PDSS2: variants seen among roughly 807,000 people sequenced by gnomAD.
PDSS2 encodes the protein all trans-polyprenyl-diphosphate synthase PDSS2.
Under a neutral mutation model 44.5 loss-of-function variants are expected in PDSS2, and 31 were observed. The ratio of observed to expected loss-of-function variants is 0.70; its 90% CI spans 0.52 to 0.94. The LOEUF (loss-of-function observed/expected upper bound fraction) is 0.94. Among genes scored for constraint, PDSS2 ranks in the 40% least tolerant of loss-of-function variants. The pLI, the probability that PDSS2 is intolerant of heterozygous loss-of-function variation, is 0.00. For synonymous variants in PDSS2, 157 were observed against 180.3 expected (o/e 0.87, Z 1.03); for missense variants, 452 against 482.2 (o/e 0.94, Z 0.59).
At chr6:107,442,218 A>C (rs1246494458) in intron 1 of PDSS2, among the ~76,000 whole-genome samples, 1 of 152,174 alleles carries the variant, frequency 6.6e-6, no homozygotes, top group African/African-American at 2.4e-5. Flanking sequence ...GGAGTTCAAG[A>C]CCAGCCTGAC....
intron 7 of PDSS2, among the ~76,000 whole-genome samples, chr6:107,169,811 A>G (rs536485922): frequency 1.3e-5 from 2 of 152,232 alleles, no homozygotes; most frequent in South Asian, 4.1e-4. Context: ...TGAACAGCAA[A>G]TGTTGCTGCC....
At chr6:107,325,360 A>G (rs1367343287) in intron 2 of PDSS2, among the ~76,000 whole-genome samples, 1 of 152,212 alleles carries the variant, frequency 6.6e-6, no homozygotes, top group Admixed American at 6.5e-5. Context: ...TAAAAGTCAG[A>G]AAATTTTAAG....
intron 4 of PDSS2, among the ~76,000 whole-genome samples, chr6:107,227,144 T>A (rs1023917283): frequency 6.6e-6 from 1 of 151,848 alleles, no homozygotes; most frequent in African/African-American, 2.4e-5. Flanking sequence ...CACATCTGGC[T>A]AATGTTTTAA....
chr6:107,291,110 C>T (rs1048586953), intron 2 of PDSS2, among the ~76,000 whole-genome samples: 40 of 151,750 alleles, frequency 2.6e-4, no homozygotes, highest in African/African-American at 8.9e-4. Context: ...TAACCTTTAA[C>T]TAATTATAAG....
intron 1 of PDSS2, among the ~76,000 whole-genome samples, chr6:107,421,701 GT>G (rs1212902032): frequency 2.0e-5 from 3 of 151,432 alleles, no homozygotes; most frequent in Non-Finnish European, 4.4e-5. Flanking sequence ...GCTGCACTTT[GT>G]AGTCTCAAAG....
intron 3 of PDSS2, among the ~76,000 whole-genome samples, chr6:107,261,573 TCTTTC>T: frequency 1.0e-5 from 1 of 97,048 alleles, no homozygotes; most frequent in African/African-American, 3.0e-5. Context: ...GTATTTCTTT[TCTTTC>T]TTTTTTTTTT....
intron 1 of PDSS2, among the ~76,000 whole-genome samples, chr6:107,429,901 A>AATATATATATATATATATATATAT (rs869061691): frequency 1.3e-4 from 4 of 31,814 alleles, no homozygotes; most frequent in South Asian, 2.6e-3. Flanking sequence ...AAAAAAAAAA[A>AATATATATATATATATATATATAT]ATATATATAT....
chr6:107,204,020 G>A (rs1772884107), intron 6 of PDSS2, among the ~76,000 whole-genome samples: 1 of 151,240 alleles, frequency 6.6e-6, no homozygotes, highest in Non-Finnish European at 1.5e-5. Context: ...GAGGCTCACT[G>A]CAACCTCCGC....
intron 2 of PDSS2, 69 bp from the exon 3 acceptor site, chr6:107,274,296 T>G (rs1775699752): frequency 1.6e-6 from 2 of 1,244,106 alleles, no homozygotes; most frequent in Non-Finnish European, 2.4e-6. Flanking sequence ...CTGATTTCAG[T>G]TTTCAACAAT....
At chr6:107,226,999 C>CT (rs141422280) in intron 4 of PDSS2, among the ~76,000 whole-genome samples, 14,492 of 145,722 alleles carry the variant, frequency 0.099, 821 homozygotes, top group South Asian at 0.21. Flanking sequence ...TTTTTAATTA[C>CT]TTTTTTTTTT....
chr6:107,453,022 A>G (rs988996184), intron 1 of PDSS2, among the ~76,000 whole-genome samples: 15 of 151,896 alleles, frequency 9.9e-5, no homozygotes, highest in African/African-American at 3.6e-4. Context: ...TTTTGGTGTC[A>G]TGTCTAAGAA....
In PDSS2 at chr6:107,359,624, TAAAA is replaced by T. The variant is rs371733995; in HGVS notation, c.297-25296_297-25293del. On this transcript the variant is annotated intron_variant, in intron 1 of 7. Transcript: ENST00000369037. ...GGGTGACAGAGCAAAAGAATGTGTT[TAAAA>T]AAAAAAAAAAAAGGGAGAGAGAGAG... Among the ~76,000 whole-genome samples the T allele has an allele frequency of 6.9e-3, 871 of 127,028 alleles. 6 individuals are homozygous for T. The highest frequency in any genetic ancestry group is 0.025 in the African/African-American group (853 of 33,690). The allele number at this position is 127,028 out of a possible 152,430, so 83.3% of individuals were successfully genotyped here. A position where few individuals can be genotyped will look rare whatever the true frequency, so the allele number is the denominator to read the frequency against.
chr6:107,179,791 T>C (rs1195693620), intron 7 of PDSS2, among the ~76,000 whole-genome samples: 2 of 152,166 alleles, frequency 1.3e-5, no homozygotes, highest in Non-Finnish European at 2.9e-5. Flanking sequence ...AATACTCTGA[T>C]GTGGTAAGTG....
chr6:107,292,910 T>C (rs950182208), intron 2 of PDSS2, among the ~76,000 whole-genome samples: 1 of 152,128 alleles, frequency 6.6e-6, no homozygotes, highest in Admixed American at 6.6e-5. Flanking sequence ...GGTTTGCATG[T>C]CACAAAAGGG....
At chr6:107,424,145 G>T (rs1457525190) in intron 1 of PDSS2, among the ~76,000 whole-genome samples, 2 of 146,688 alleles carry the variant, frequency 1.4e-5, no homozygotes, top group African/African-American at 5.1e-5. Flanking sequence ...GGGCCCAAGT[G>T]ATCCTCCCAT....
chr6:107,319,009 C>CACACACACACACACACACAT (rs1475858280), intron 2 of PDSS2, among the ~76,000 whole-genome samples: 1 of 144,604 alleles, frequency 6.9e-6, no homozygotes, highest in East Asian at 2.0e-4. Flanking sequence ...TATATATATA[C>CACACACACACACACACACAT]ACACACACAC....
chr6:107,337,978 C>T (rs58020466), intron 1 of PDSS2, among the ~76,000 whole-genome samples: 3,602 of 152,210 alleles, frequency 0.024, 162 homozygotes, highest in East Asian at 0.2. Context: ...TTAATTTTCA[C>T]ATAAGTCAGT....
At chr6:107,202,896 T>G (rs1772834988) in intron 6 of PDSS2, among the ~76,000 whole-genome samples, 1 of 151,650 alleles carries the variant, frequency 6.6e-6, no homozygotes, top group Non-Finnish European at 1.5e-5. Context: ...TATACTAGAG[T>G]AAGGCGAGGA....
intron 2 of PDSS2, among the ~76,000 whole-genome samples, chr6:107,311,241 G>C (rs1216013664): frequency 6.7e-6 from 1 of 149,646 alleles, no homozygotes; most frequent in African/African-American, 2.5e-5. Flanking sequence ...TGTCACTCAG[G>C]GTGGAGTGCA....
Sources: gnomAD v4.1 joint callset for allele counts (sites outside exome capture counted in the v4.1 genomes callset) on GRCh38, gnomAD v4.1.1 for gene constraint, MANE v1.5 for transcripts, NCBI Gene and HGNC (gene_info 2026-07-23, HGNC 2026-07-21) for gene names.